The following ELOA variants were observed in gnomAD, a reference collection of about 807,000 sequenced individuals.
ELOA encodes elongin-A.
In ELOA, 15 loss-of-function variants were observed where a neutral mutation model predicts 85.2. The observed-to-expected ratio is 0.18, with a 90% CI of 0.12 to 0.27. ELOA has a LOEUF of 0.27. Among genes scored for constraint, ELOA ranks in the 10% least tolerant of loss-of-function variants. ELOA has a pLI of 1.00. For synonymous variants in ELOA, 348 were observed against 357.2 expected, an observed-to-expected ratio of 0.97 and a Z score of 0.29; for missense variants, 769 against 952.7, an observed-to-expected ratio of 0.81 and a Z score of 2.54.
Position 23,760,969 on chromosome 1 carries a change from C to CA in ELOA, c.*1398dup, listed in dbSNP as rs1290415264. On this transcript the variant is annotated 3_prime_UTR_variant, in exon 11 of 11. Transcript: ENST00000613537. ...AGATATGCGTCCTTAAGGAACCTGA[C>CA]AAGCAGACTGAAGGGATGGTAAGTG... 1 of 152,096 alleles carries CA rather than the reference C, an allele frequency of 6.6e-6. No individual in the cohort carries two copies. Among genetic ancestry groups the CA allele is most frequent in the Non-Finnish European group, 1.5e-5 (1 of 68,030 alleles). 9.4% of individuals were successfully genotyped at this position (152,096 alleles called of 1,614,324 possible).
chr1:23,749,610 A>G (rs777316928), intron 2 of ELOA, among the ~76,000 whole-genome samples: 2 of 152,176 alleles, frequency 1.3e-5, no homozygotes, highest in Non-Finnish European at 2.9e-5. Context: ...AGTGCCTAAC[A>G]CCTGCCCTAA....
rs1250634773 is a variant in ELOA, at chr1:23,750,936, G to A, written c.331G>A (p.Asp111Asn). Residue 111 changes from aspartate to asparagine, a missense_variant, in exon 4 of 11, where the codon GAC (aspartate) becomes AAC (asparagine). By Grantham distance (23) the Asp-to-Asn change is conservative. This residue lies in a region of ELOA where 440 missense variants were observed against 474.0 expected (regional missense o/e 0.93). Transcript: ENST00000613537. ...GCAGAAGGAGGAGGAGATGGAGGGGGACTACCAAGAAACCTGGAAAGCCAC... is the reference window on the plus strand; with the variant it reads ...GCAGAAGGAGGAGGAGATGGAGGGGAACTACCAAGAAACCTGGAAAGCCAC... ...ALQKEEEMEGDYQETWKATGS... is the reference protein window; with the variant it reads ...ALQKEEEMEGNYQETWKATGS... The A allele has an allele frequency of 6.2e-7, 1 of 1,613,970 alleles. No homozygotes were observed. Among genetic ancestry groups the A allele is most frequent in the African/African-American group, 1.3e-5 (1 of 74,928 alleles).
Position 23,743,477 on chromosome 1 carries a change from G to C in ELOA, c.-27G>C, listed in dbSNP as rs775294825. ...GAGGACGCGACGCGAGCCCAGTTCC[G>C]GCGAGGAGGCCGCGCCAGTGACAGC... On this transcript the variant is annotated 5_prime_UTR_variant, in exon 1 of 11. Transcript: ENST00000613537. The C allele has an allele frequency of 1.9e-5, 28 of 1,501,622 alleles. No homozygotes were observed. Among genetic ancestry groups the C allele is most frequent in the Non-Finnish European group, 2.3e-5 (26 of 1,131,346 alleles). The allele number at this position is 1,501,622 out of a possible 1,614,324, so 93.0% of individuals were successfully genotyped here. A position where few individuals can be genotyped will look rare whatever the true frequency, so the allele number is the denominator to read the frequency against.
intron 10 of ELOA, among the ~76,000 whole-genome samples, chr1:23,757,797 C>CT (rs1638217238): frequency 6.7e-6 from 1 of 149,342 alleles, no homozygotes; most frequent in African/African-American, 2.5e-5. Context: ...TGTGCCCGGC[C>CT]GACCCTGTCT....
At chr1:23,747,906 A>T (rs978124498) in intron 1 of ELOA, among the ~76,000 whole-genome samples, 2 of 152,218 alleles carry the variant, frequency 1.3e-5, no homozygotes, top group Non-Finnish European at 2.9e-5. Context: ...CACATGGTAA[A>T]AGCAGATCTT....
intron 1 of ELOA, among the ~76,000 whole-genome samples, chr1:23,745,587 A>G (rs746310105): frequency 2.0e-5 from 3 of 151,934 alleles, no homozygotes; most frequent in Non-Finnish European, 4.4e-5. Context: ...TGCATTGTGA[A>G]GTGAGCATCA....
Position 23,757,027 on chromosome 1 carries a change from A to G in ELOA, c.2159A>G (p.Glu720Gly). The G allele has an allele frequency of 6.2e-7, 1 of 1,611,290 alleles. No homozygotes were observed. Among genetic ancestry groups the G allele is most frequent in the Non-Finnish European group, 8.5e-7 (1 of 1,179,200 alleles). Residue 720 changes from glutamate to glycine, a missense_variant, in exon 10 of 11, where the codon GAG (glutamate) becomes GGG (glycine). Physicochemically the swap from Glu to Gly is moderately conservative, Grantham distance 98 (BLOSUM62 -2). Coordinates refer to ENST00000613537, the MANE Select transcript of ELOA (RefSeq NM_003198.3). Reference protein sequence around the residue: ...ASSISFNPSPEEPAYDGPSTS... With the variant: ...ASSISFNPSPGEPAYDGPSTS... Reference sequence around the variant, plus strand: ...AGCATCAGCTTTAACCCCAGCCCTGAGGAGCCGGCCTATGATGGCCCAAGC... The same window carrying G: ...AGCATCAGCTTTAACCCCAGCCCTGGGGAGCCGGCCTATGATGGCCCAAGC...
At chr1:23,743,606 A>T in intron 1 of ELOA, 28 bp downstream of exon 1, 1 of 1,471,256 alleles carries the variant, frequency 6.8e-7, no homozygotes, top group Non-Finnish European at 9.0e-7. Flanking sequence ...GCGTAGCGGG[A>T]TGGGCGTTGG....
At chr1:23,754,295 A>C in intron 6 of ELOA, 40 bp downstream of exon 6, 1 of 1,612,704 alleles carries the variant, frequency 6.2e-7, no homozygotes. Flanking sequence ...AGCACATTGT[A>C]GCACTTGGAC....
intron 1 of ELOA, chr1:23,744,247 T>C (rs915730653): frequency 6.6e-6 from 1 of 152,364 alleles, no homozygotes; most frequent in African/African-American, 2.4e-5. Flanking sequence ...GCAGCTAGGT[T>C]TCCTTTTGGC....
intron 1 of ELOA, among the ~76,000 whole-genome samples, chr1:23,745,030 A>G (rs1644740422): frequency 6.6e-6 from 1 of 152,218 alleles, no homozygotes; most frequent in African/African-American, 2.4e-5. Flanking sequence ...AAGGCCGTAC[A>G]CAGCCTCTCA....
At chr1:23,754,331 A>G in intron 6 of ELOA, 32 bp from the exon 7 acceptor site, 1 of 1,614,068 alleles carries the variant, frequency 6.2e-7, no homozygotes, top group Admixed American at 1.7e-5. Context: ...CTTGGCTGCT[A>G]CTCAGTGTCT....
Position 23,760,091 on chromosome 1 carries a change from G to A in ELOA, c.*518G>A, listed in dbSNP as rs79156976. ...AGAGCCTGCACAGTACCTGCTGCAC[G>A]TAGGGCAAGGAATGAGCACTAGACC... On this transcript the variant is annotated 3_prime_UTR_variant, in exon 11 of 11. Coordinates refer to ENST00000613537, the MANE Select transcript of ELOA (RefSeq NM_003198.3). 8.6e-3 allele frequency: 1,339 copies of A among 154,974 alleles called. 16 individuals are homozygous for A. The highest frequency in any genetic ancestry group is 0.027 in the Middle Eastern group (8 of 296). The allele number at this position is 154,974 out of a possible 1,614,324, so 9.6% of individuals were successfully genotyped here.
intron 10 of ELOA, among the ~76,000 whole-genome samples, chr1:23,758,259 ATTTTTTTT>A (rs1162019928): frequency 1.7e-4 from 7 of 41,942 alleles, no homozygotes; most frequent in African/African-American, 2.9e-4. Context: ...TTATTTATTT[ATTTTTTTT>A]TTTTTTTTTT....
intron 10 of ELOA, among the ~76,000 whole-genome samples, chr1:23,758,715 G>T (rs1301285480): frequency 2.0e-5 from 3 of 151,712 alleles, no homozygotes; most frequent in African/African-American, 7.3e-5. Flanking sequence ...GCCCATGGGA[G>T]GGTGGGAGTC....
rs774440395 is a variant in ELOA, at chr1:23,759,862, G to A, written c.*289G>A. 76 of 358,050 alleles carry A rather than the reference G, an allele frequency of 2.1e-4. 1 individual carries two copies. The highest frequency in any genetic ancestry group is 7.1e-5 in the Non-Finnish European group (14 of 196,030). 22.2% of individuals were successfully genotyped at this position (358,050 alleles called of 1,614,324 possible). ...TTAGCATCTTTGTAAACTATAAGAC[G>A]TAGTTTTAATTAATAAATATTGCCC... On this transcript the variant is annotated 3_prime_UTR_variant, in exon 11 of 11. Coordinates refer to ENST00000613537, the MANE Select transcript of ELOA (RefSeq NM_003198.3).
chr1:23,752,326 A>T, intron 4 of ELOA, 81 bp from the exon 5 acceptor site: 1 of 1,368,384 alleles, frequency 7.3e-7, no homozygotes, highest in Non-Finnish European at 1.0e-6. Flanking sequence ...ATGTCCAGTT[A>T]ATGCTCCCGG....
intron 2 of ELOA, among the ~76,000 whole-genome samples, chr1:23,749,518 TC>T (rs1644759989): frequency 6.6e-6 from 1 of 152,210 alleles, no homozygotes; most frequent in African/African-American, 2.4e-5. Flanking sequence ...TTTAGGCTGT[TC>T]CTATGTAAAA....
At chr1:23,756,250 A>ATGTTCATC in intron 8 of ELOA, 24 bp from the exon 9 acceptor site, 1 of 1,537,728 alleles carries the variant, frequency 6.5e-7, no homozygotes, top group Non-Finnish European at 8.8e-7. Flanking sequence ...AAGAAGGCAG[A>ATGTTCATC]TGTTCATCTC....
Sources: gnomAD v4.1 joint callset for allele counts (sites outside exome capture counted in the v4.1 genomes callset) on GRCh38, gnomAD v4.1.1 for gene constraint, gnomAD v4.1.1 regional missense constraint, MANE v1.5 for transcripts, NCBI Gene and HGNC (gene_info 2026-07-23, HGNC 2026-07-21) for gene names.